ZNF43: variants seen among roughly 807,000 people sequenced by gnomAD.
ZNF43 encodes the protein zinc finger protein 43, also known as zinc finger protein 39-like 1 (KOX 27).
ZNF43 carries 44 observed loss-of-function variants against 68.4 expected under a neutral mutation model. The observed-to-expected ratio is 0.64, with a 90% CI of 0.51 to 0.83. ZNF43 has a LOEUF of 0.83. ZNF43 is among the 40% of genes least tolerant of loss of function. The pLI, the probability that ZNF43 is intolerant of heterozygous loss-of-function variation, is 0.00. For synonymous variants in ZNF43, 308 were observed against 307.8 expected (o/e 1.00, Z -0.01); for missense variants, 896 against 933.2 (o/e 0.96, Z 0.52).
intron 1 of ZNF43, among the ~76,000 whole-genome samples, chr19:21,824,049 C>T (rs978376757): frequency 7.2e-5 from 11 of 152,002 alleles, no homozygotes; most frequent in African/African-American, 1.4e-4. Flanking sequence ...ATTAGCCGGG[C>T]GTGGTGATGG....
At chr19:21,845,969 C>A (rs911946952) in intron 1 of ZNF43, among the ~76,000 whole-genome samples, 1 of 151,452 alleles carries the variant, frequency 6.6e-6, no homozygotes, top group African/African-American at 2.4e-5. Flanking sequence ...AGTGATACAT[C>A]TAAATCTTTT....
In ZNF43 at chr19:21,807,294, C is replaced by T. The variant is rs1052688733; in HGVS notation, c.*313G>A. Reference sequence around the variant, plus strand: ...TGAATTATCTTCTTCACTTTAAAGGCTTTTATTTTCTGAAAGATCTTTTGA... The same window carrying T: ...TGAATTATCTTCTTCACTTTAAAGGTTTTTATTTTCTGAAAGATCTTTTGA... On this transcript the variant is annotated 3_prime_UTR_variant, in exon 4 of 4. Transcript: ENST00000354959. 1 of 194,324 alleles carries T rather than the reference C, an allele frequency of 5.1e-6. No individual in the cohort carries two copies. The highest frequency in any genetic ancestry group is 5.4e-5 in the Admixed American group (1 of 18,406). The allele number at this position is 194,324 out of a possible 1,614,324, so 12.0% of individuals were successfully genotyped here. A position where few individuals can be genotyped will look rare whatever the true frequency, so the allele number is the denominator to read the frequency against.
upstream of ZNF43, among the ~76,000 whole-genome samples, chr19:21,837,310 G>T (rs1967175907): frequency 6.6e-6 from 1 of 151,460 alleles, no homozygotes; most frequent in South Asian, 2.1e-4. Context: ...ATGGAATCCA[G>T]GATTTTATTC....
chr19:21,825,840 C>G (rs573833828), intron 1 of ZNF43, among the ~76,000 whole-genome samples: 1 of 152,176 alleles, frequency 6.6e-6, no homozygotes, highest in South Asian at 2.1e-4. Flanking sequence ...ATCAGGAGGT[C>G]AAGAGATCAA....
At chr19:21,833,444 A>AT (rs1180121427) in intron 1 of ZNF43, among the ~76,000 whole-genome samples, 1 of 151,334 alleles carries the variant, frequency 6.6e-6, no homozygotes, top group Non-Finnish European at 1.5e-5. Context: ...ATTTTTTTGT[A>AT]TTTTTAGTTG....
intron 1 of ZNF43, among the ~76,000 whole-genome samples, 185 bp downstream of exon 1, chr19:21,835,851 G>A (rs534236431): frequency 3.3e-5 from 5 of 152,330 alleles, no homozygotes; most frequent in East Asian, 1.9e-4. Flanking sequence ...CACAGTCACT[G>A]CGCAGAGAAG....
intron 3 of ZNF43, among the ~76,000 whole-genome samples, chr19:21,811,135 A>T (rs973601722): frequency 2.0e-5 from 3 of 152,240 alleles, no homozygotes; most frequent in African/African-American, 7.2e-5. Flanking sequence ...CAAAGTTGTC[A>T]ATACAAGCTA....
intron 3 of ZNF43, among the ~76,000 whole-genome samples, chr19:21,815,917 C>G (rs1200245683): frequency 6.6e-6 from 1 of 151,758 alleles, no homozygotes; most frequent in Non-Finnish European, 1.5e-5. Context: ...AAAAATTAGC[C>G]AGGTGTGATG....
At chr19:21,825,519 T>C (rs1256600954) in intron 1 of ZNF43, among the ~76,000 whole-genome samples, 4 of 152,192 alleles carry the variant, frequency 2.6e-5, no homozygotes, top group Non-Finnish European at 5.9e-5. Context: ...TTAAAGTTTT[T>C]TTTTATTTCT....
At position 21,807,259 on chromosome 19, in the gene ZNF43, G is replaced by A. The variant is rs1434143740; in HGVS notation, c.*348C>T. The stretch of plus-strand genomic sequence containing the variant: ...AACCCTCTTAATATTTGTAATGTTT[G>A]TCTTCAGAATGAATTATCTTCTTCA... On this transcript the variant is annotated 3_prime_UTR_variant, in exon 4 of 4. Transcript: ENST00000354959. The A allele has an allele frequency of 5.9e-6, 1 of 169,200 alleles. No homozygotes were observed. Among genetic ancestry groups the A allele is most frequent in the Non-Finnish European group, 1.3e-5 (1 of 78,900 alleles). The allele number at this position is 169,200 out of a possible 1,614,324, so 10.5% of individuals were successfully genotyped here. A position where few individuals can be genotyped will look rare whatever the true frequency, so the allele number is the denominator to read the frequency against.
At chr19:21,829,071 C>T (rs141171541) in intron 1 of ZNF43, among the ~76,000 whole-genome samples, 4,797 of 134,798 alleles carry the variant, frequency 0.036, 170 homozygotes, top group South Asian at 0.16. Flanking sequence ...AAAAATTAGC[C>T]GGACGTGGTG....
intron 1 of ZNF43, among the ~76,000 whole-genome samples, chr19:21,827,916 C>A (rs1327040652): frequency 6.6e-6 from 1 of 152,126 alleles, no homozygotes; most frequent in Non-Finnish European, 1.5e-5. Flanking sequence ...CCGCCTCAGC[C>A]TTCCAAAGTG....
upstream of ZNF43, among the ~76,000 whole-genome samples, chr19:21,839,349 A>AAAAAAAAAAAAAAAAAAAAAAAC (rs1967345554): frequency 6.7e-6 from 1 of 150,198 alleles, no homozygotes; most frequent in African/African-American, 2.5e-5. Context: ...AAAAAAAAAA[A>AAAAAAAAAAAAAAAAAAAAAAAC]AAAAAAAGAG....
chr19:21,808,386 A>C lies in ZNF43; in HGVS notation c.1651T>G (p.Ser551Ala), dbSNP rs762589553. 5 of 1,612,622 alleles carry C rather than the reference A, an allele frequency of 3.1e-6. No homozygotes were observed. Among genetic ancestry groups the C allele is most frequent in the Non-Finnish European group, 4.2e-6 (5 of 1,179,734 alleles). ...EECGKAFNHF[S>A]ILTKHKRIHT... is the part of the protein sequence containing the mutation. The stretch of plus-strand genomic sequence containing the variant: ...ATCCTCTTATGTTTGGTAAGGATTG[A>C]GAAATGGTTAAAAGCTTTGCCACAT... Residue 551 changes from serine (S) to alanine (A), a missense_variant, in exon 4 of 4, where the codon TCA becomes GCA. Physicochemically the swap from Ser to Ala is moderately conservative, Grantham distance 99 (BLOSUM62 1). Coordinates refer to ENST00000354959, the MANE Select transcript of ZNF43 (RefSeq NM_003423.4).
At chr19:21,811,961 CATG>C (rs1292385013) in intron 3 of ZNF43, 8 of 397,038 alleles carry the variant, frequency 2.0e-5, no homozygotes, top group Non-Finnish European at 3.6e-5. Context: ...ACCTTAAATG[CATG>C]AACAGCAAAG....
chr19:21,835,354 AGTT>A, intron 1 of ZNF43, among the ~76,000 whole-genome samples: 1 of 132,642 alleles, frequency 7.5e-6, no homozygotes, highest in African/African-American at 3.0e-5. Context: ...AATCTAGTTT[AGTT>A]TTTTTTTTTT....
At chr19:21,831,538 T>A (rs1339671842) in intron 1 of ZNF43, among the ~76,000 whole-genome samples, 1 of 151,832 alleles carries the variant, frequency 6.6e-6, no homozygotes, top group African/African-American at 2.4e-5. Context: ...TTTTTGTAAT[T>A]TTAGTAGAGA....
intron 3 of ZNF43, among the ~76,000 whole-genome samples, chr19:21,816,105 T>C (rs1472013273): frequency 6.7e-6 from 1 of 150,198 alleles, no homozygotes; most frequent in Admixed American, 6.6e-5. Context: ...ACTAAAAATG[T>C]ATAGGGAGAG....
chr19:21,851,816 A>C (rs926952319), intron 1 of ZNF43: 26 of 1,395,152 alleles, frequency 1.9e-5, no homozygotes, highest in Non-Finnish European at 2.5e-5. Context: ...GCCAGCGACC[A>C]GGACTCAGGA....
Sources: gnomAD v4.1 joint callset for allele counts (sites outside exome capture counted in the v4.1 genomes callset) on GRCh38, gnomAD v4.1.1 for gene constraint, MANE v1.5 for transcripts, NCBI Gene and HGNC (gene_info 2026-07-23, HGNC 2026-07-21) for gene names.